The following GPC5 variants were observed in gnomAD, a reference collection of about 807,000 sequenced individuals.
GPC5 encodes the protein glypican-5.
In GPC5, 47 loss-of-function variants were observed where a neutral mutation model predicts 53.9. The ratio of observed to expected loss-of-function variants is 0.87; its 90% CI spans 0.69 to 1.11. GPC5 has a LOEUF of 1.11. GPC5 is among the 50% of genes most tolerant of loss of function. The probability of loss-of-function intolerance (pLI) is 0.00; values close to 1 mark genes in which losing one functional copy is unlikely to be tolerated. For missense variants in GPC5, 748 were observed against 713.1 expected, an observed-to-expected ratio of 1.05 and a Z score of -0.56; for synonymous variants, 286 against 263.3, an observed-to-expected ratio of 1.09 and a Z score of -0.84.
chr13:91,942,239 T>C (rs1325136524), intron 6 of GPC5, among the ~76,000 whole-genome samples: 1 of 152,148 alleles, frequency 6.6e-6, no homozygotes, highest in East Asian at 1.9e-4. Flanking sequence ...AAAGGTACCA[T>C]TTTTACTCAG....
rs141961115 is a variant in GPC5 at position 92,731,670 on chromosome 13, C to T, written c.1562-134612C>T. On this transcript the variant is annotated intron_variant, in intron 7 of 7. Transcript: ENST00000377067. ...AGAGTAAATCTTACAAGCTTTCAAA[C>T]AAACAAATTACTTCTAAAGGAAAGA... Among the ~76,000 whole-genome samples the T allele has an allele frequency of 6.5e-3, 991 of 151,310 alleles. 8 individuals carry two copies. Among genetic ancestry groups the T allele is most frequent in the Middle Eastern group, 0.041 (12 of 294 alleles).
chr13:91,806,198 G>C (rs968290803), intron 5 of GPC5, among the ~76,000 whole-genome samples: 1 of 151,214 alleles, frequency 6.6e-6, no homozygotes, highest in Non-Finnish European at 1.5e-5. Context: ...ACCATGCTCA[G>C]CTAATTTTTT....
At chr13:92,725,364 G>GGCT (rs1488307924) in intron 7 of GPC5, among the ~76,000 whole-genome samples, 1 of 151,258 alleles carries the variant, frequency 6.6e-6, no homozygotes, top group East Asian at 1.9e-4. Context: ...AATGATAGGC[G>GGCT]GCTGAGAAAC....
At chr13:92,096,932 A>G (rs1476736223) in intron 6 of GPC5, among the ~76,000 whole-genome samples, 2 of 152,216 alleles carry the variant, frequency 1.3e-5, no homozygotes, top group Non-Finnish European at 2.9e-5. Context: ...ATAAACCTAG[A>G]TGGTCTGAAA....
intron 7 of GPC5, among the ~76,000 whole-genome samples, chr13:92,500,631 C>T (rs373451433): frequency 1.3e-5 from 2 of 152,142 alleles, no homozygotes; most frequent in African/African-American, 4.8e-5. Context: ...CAATTTTTCC[C>T]CCCATCCTGA....
chr13:92,240,605 G>A (rs533684152), intron 7 of GPC5: 1 of 152,376 alleles, frequency 6.6e-6, no homozygotes, highest in Non-Finnish European at 1.5e-5. Context: ...CCAGGTTTAA[G>A]CGATTCTCCT....
chr13:91,546,311 G>A (rs1428479435), intron 2 of GPC5, among the ~76,000 whole-genome samples: 1 of 151,970 alleles, frequency 6.6e-6, no homozygotes, highest in Non-Finnish European at 1.5e-5. Flanking sequence ...ATGTCCTCAA[G>A]TGACTCTTAA....
At chr13:91,424,825 G>A (rs1267662859) in intron 1 of GPC5, among the ~76,000 whole-genome samples, 1 of 152,188 alleles carries the variant, frequency 6.6e-6, no homozygotes, top group Admixed American at 6.5e-5. Context: ...TGCTGGAACT[G>A]AAAGAGAGAG....
chr13:92,626,115 T>A (rs1885036791), intron 7 of GPC5, among the ~76,000 whole-genome samples: 1 of 152,354 alleles, frequency 6.6e-6, no homozygotes, highest in South Asian at 2.1e-4. Flanking sequence ...AATTATATAA[T>A]AACTTTTTCT....
chr13:92,154,159 C>T (rs919453135), intron 7 of GPC5, among the ~76,000 whole-genome samples: 2 of 151,868 alleles, frequency 1.3e-5, no homozygotes, highest in East Asian at 3.9e-4. Context: ...GGAGCAGGTG[C>T]CACATTCTTT....
At chr13:92,782,521 G>A (rs145382995) in intron 7 of GPC5, among the ~76,000 whole-genome samples, 1 of 152,126 alleles carries the variant, frequency 6.6e-6, no homozygotes, top group African/African-American at 2.4e-5. Flanking sequence ...GTGGAAAGAG[G>A]AAGCCTTTCT....
At chr13:92,095,089 TA>T (rs570225348) in intron 6 of GPC5, among the ~76,000 whole-genome samples, 1 of 152,100 alleles carries the variant, frequency 6.6e-6, no homozygotes, top group Non-Finnish European at 1.5e-5. Context: ...GGAACCAGAG[TA>T]ATCTATTGCC....
intron 7 of GPC5, among the ~76,000 whole-genome samples, chr13:92,724,820 C>T (rs1888592646): frequency 6.6e-6 from 1 of 150,412 alleles, no homozygotes; most frequent in Middle Eastern, 3.2e-3. Context: ...TAACAATGCT[C>T]TACTGCTCAT....
intron 6 of GPC5, among the ~76,000 whole-genome samples, chr13:92,058,978 T>C (rs1436722504): frequency 1.3e-5 from 2 of 152,230 alleles, no homozygotes; most frequent in East Asian, 3.8e-4. Context: ...CTAATTATCT[T>C]ACCTCTCTTC....
intron 5 of GPC5, among the ~76,000 whole-genome samples, chr13:91,757,947 T>G (rs939113101): frequency 7.2e-5 from 11 of 152,158 alleles, no homozygotes; most frequent in Non-Finnish European, 1.5e-5. Flanking sequence ...TATTTCTGAG[T>G]GATCATTTTC....
chr13:91,895,775 AC>A (rs1005733002), intron 5 of GPC5, among the ~76,000 whole-genome samples: 12 of 152,204 alleles, frequency 7.9e-5, no homozygotes, highest in African/African-American at 2.9e-4. Context: ...GCTAGGACAA[AC>A]GATCATGAAC....
intron 2 of GPC5, among the ~76,000 whole-genome samples, chr13:91,516,513 C>G (rs1885506939): frequency 6.6e-6 from 1 of 152,204 alleles, no homozygotes; most frequent in Non-Finnish European, 1.5e-5. Flanking sequence ...ACTCCTGTGG[C>G]TTTGCAGGGT....
At position 92,539,957 on chromosome 13, in the gene GPC5, C is replaced by A. The variant is rs997133889; in HGVS notation, c.1562-326325C>A. Among the ~76,000 whole-genome samples the A allele has an allele frequency of 5.9e-5, 9 of 151,798 alleles. No individual in the cohort carries two copies. The South Asian group carries it at 1.7e-3, about 28-fold the overall frequency. On this transcript the variant is annotated intron_variant, in intron 7 of 7. Transcript: ENST00000377067. ...AGTCTATGTAATTGATGGTAAGATT[C>A]TTTTCTGAATTTTCTATATTATTAT...
intron 5 of GPC5, among the ~76,000 whole-genome samples, chr13:91,889,390 TCTG>T (rs1393948018): frequency 1.3e-5 from 2 of 152,234 alleles, no homozygotes; most frequent in African/African-American, 4.8e-5. Flanking sequence ...ACTAGATTAG[TCTG>T]CATATTGGGT....
Sources: allele counts gnomAD v4.1 joint callset (sites outside exome capture counted in the v4.1 genomes callset), GRCh38; gene constraint gnomAD v4.1.1; transcripts MANE v1.5; gene names NCBI Gene and HGNC (gene_info 2026-07-23, HGNC 2026-07-21).